Variants in SLC2A8 observed in about 807,000 individuals in gnomAD.
SLC2A8 encodes solute carrier family 2 member 8, also known as solute carrier family 2, facilitated glucose transporter member 8.
In SLC2A8, 53 loss-of-function variants were observed where a neutral mutation model predicts 49.2. The observed-to-expected ratio is 1.08, with a 90% CI of 0.86 to 1.35. The LOEUF is 1.35. Ranked by LOEUF, SLC2A8 falls within the 40% of genes most tolerant of loss-of-function variation. The pLI is 0.00. For synonymous variants in SLC2A8, 299 were observed against 297.0 expected (o/e 1.01, Z -0.07); for missense variants, 688 against 671.7 (o/e 1.02, Z -0.27).
chr9:127,404,595 T>C, intron 7 of SLC2A8: 1 of 540,628 alleles, frequency 1.8e-6, no homozygotes, highest in Admixed American at 3.3e-5. Flanking sequence ...ACCTCCCATT[T>C]CCTCGGCCCA....
chr9:127,403,078 C>T (rs1453639263), intron 5 of SLC2A8, among the ~76,000 whole-genome samples: 2 of 152,188 alleles, frequency 1.3e-5, no homozygotes, highest in Non-Finnish European at 2.9e-5. Flanking sequence ...AGTTGCAAGG[C>T]AGGGTAGAGG....
chr9:127,407,001 G>A (rs908031025), intron 9 of SLC2A8, 111 bp from the exon 10 acceptor site: 44 of 1,236,548 alleles, frequency 3.6e-5, no homozygotes, highest in Admixed American at 3.4e-4. Flanking sequence ...CTTGGGCAGG[G>A]CAGGCTGGGG....
rs749130065 is a variant in SLC2A8, at chr9:127,404,839, C to T, written c.998C>T (p.Thr333Met). The change falls in exon 8 of 10, where the codon ACG becomes ATG. Residue 333 changes from threonine to methionine, a missense_variant. Coordinates refer to ENST00000373371, the MANE Select transcript of SLC2A8 (RefSeq NM_014580.5). ...VLSGVVMVFS[T>M]SAFGAYFKLT... ...GCAGGTGTGGTCATGGTGTTCAGCA[C>T]GAGTGCCTTCGGCGCCTACTTCAAG... 2 of 1,612,330 alleles carry T rather than the reference C, an allele frequency of 1.2e-6. No individual in the cohort carries two copies. Among genetic ancestry groups the T allele is most frequent in the Non-Finnish European group, 1.7e-6 (2 of 1,179,580 alleles).
intron 7 of SLC2A8, 137 bp downstream of exon 7, chr9:127,404,204 G>A: frequency 1.6e-6 from 1 of 637,252 alleles, no homozygotes; most frequent in Non-Finnish European, 2.7e-6. Flanking sequence ...TTTGACAGCA[G>A]CTTGTCACCA....
At position 127,404,975 on chromosome 9, in the gene SLC2A8, G is replaced by A; in HGVS notation, c.1134G>A (p.Met378Ile). The change falls in exon 8 of 10, where the codon ATG (methionine) becomes ATA (isoleucine). Residue 378 changes from methionine (M) to isoleucine (I), a missense_variant. Physicochemically the swap from Met to Ile is conservative, Grantham distance 10. Coordinates refer to ENST00000373371, the MANE Select transcript of SLC2A8 (RefSeq NM_014580.5). ...VGLAWLAVGS[M>I]CLFIAGFAVG... ...TGGCCTGGCTGGCCGTGGGCAGCAT[G>A]TGCCTCTTCATCGCCGGTAAGGGGG... 1 of 1,604,182 alleles carries A rather than the reference G, an allele frequency of 6.2e-7. No individual in the cohort carries two copies. The highest frequency in any genetic ancestry group is 1.1e-5 in the South Asian group (1 of 90,916).
At chr9:127,397,875 G>T in intron 2 of SLC2A8, 30 bp from the exon 3 acceptor site, 1 of 1,446,652 alleles carries the variant, frequency 6.9e-7, no homozygotes, top group Non-Finnish European at 9.1e-7. Context: ...CGGCTTCGGC[G>T]CCCCCTCCTC....
intron 8 of SLC2A8, 34 bp from the exon 9 acceptor site, chr9:127,405,386 C>G: frequency 6.2e-7 from 1 of 1,607,994 alleles, no homozygotes; most frequent in Non-Finnish European, 8.5e-7. Context: ...CCCTGCGGAC[C>G]CTGATGCCTG....
At chr9:127,402,343 GT>G (rs2131893472) in intron 4 of SLC2A8, 1 of 623,280 alleles carries the variant, frequency 1.6e-6, no homozygotes, top group East Asian at 3.1e-5. Flanking sequence ...TGTCCGCGTT[GT>G]CATACCCACT....
chr9:127,406,547 A>AGAAG (rs1833498995), intron 9 of SLC2A8, among the ~76,000 whole-genome samples: 1 of 126,274 alleles, frequency 7.9e-6, no homozygotes, highest in African/African-American at 2.8e-5. Context: ...AAGGCCTTCG[A>AGAAG]GGAGGGAGAG....
intron 5 of SLC2A8, 94 bp downstream of exon 5, chr9:127,402,847 G>A: frequency 7.3e-7 from 1 of 1,377,816 alleles, no homozygotes; most frequent in South Asian, 1.5e-5. Flanking sequence ...TGGGGGGTGG[G>A]GGACAGGGAG....
intron 3 of SLC2A8, among the ~76,000 whole-genome samples, chr9:127,398,857 C>T (rs1034452294): frequency 1.3e-5 from 2 of 152,202 alleles, no homozygotes; most frequent in African/African-American, 4.8e-5. Context: ...CCATGAACTG[C>T]CCCCAGCCAT....
intron 9 of SLC2A8, 55 bp from the exon 10 acceptor site, chr9:127,407,057 G>C (rs549781683): frequency 1.9e-6 from 3 of 1,600,466 alleles, no homozygotes; most frequent in East Asian, 4.5e-5. Context: ...CAGTGATCGC[G>C]TGGGGCTTCC....
intron 4 of SLC2A8, among the ~76,000 whole-genome samples, chr9:127,401,954 T>C (rs1290531022): frequency 2.0e-5 from 3 of 152,214 alleles, no homozygotes. Context: ...CTTTTAACTT[T>C]ATATAAAACT....
At position 127,402,550 on chromosome 9, in the gene SLC2A8, C is replaced by A; in HGVS notation, c.527-7C>A. 1 of 1,523,286 alleles carries A rather than the reference C, an allele frequency of 6.6e-7. No individual in the cohort carries two copies. The highest frequency in any genetic ancestry group is 2.4e-5 in the East Asian group (1 of 41,418). The allele number at this position is 1,523,286 out of a possible 1,614,324, so 94.4% of individuals were successfully genotyped here. On this transcript the variant is annotated splice_region_variant and splice_polypyrimidine_tract_variant and intron_variant, in intron 4 of 9. Coordinates refer to ENST00000373371, the MANE Select transcript of SLC2A8 (RefSeq NM_014580.5). ...TGACGCCAGCCTCCTCCACCCACCC[C>A]CCGCAGGCTGGGTGCTGGAGTGGCG...
Position 127,397,181 on chromosome 9 carries a change from C to T in SLC2A8, c.-50C>T. The T allele has an allele frequency of 1.4e-6, 2 of 1,438,220 alleles. No homozygotes were observed. The highest frequency in any genetic ancestry group is 1.8e-6 in the Non-Finnish European group (2 of 1,103,862). The allele number at this position is 1,438,220 out of a possible 1,614,324, so 89.1% of individuals were successfully genotyped here. On this transcript the variant is annotated 5_prime_UTR_variant, in exon 1 of 10. Coordinates refer to ENST00000373371, the MANE Select transcript of SLC2A8 (RefSeq NM_014580.5). ...GCCGGTGCGGGCCGCACTCGCAGGG[C>T]CCGTGGCGGTTCAGGCGCCAGAGCT...
Position 127,403,641 on chromosome 9 carries a change from C to T in SLC2A8, c.724-19C>T, listed in dbSNP as rs1833376380. The T allele has an allele frequency of 6.2e-7, 1 of 1,612,246 alleles. No individual in the cohort carries two copies. The highest frequency in any genetic ancestry group is 1.1e-5 in the South Asian group (1 of 91,070). ...GGAGGGGAGAGAGAAATCCTGATGGCCAGTATCCGTCAGAGCAGAGCTTTC... is the reference window on the plus strand; with the variant it reads ...GGAGGGGAGAGAGAAATCCTGATGGTCAGTATCCGTCAGAGCAGAGCTTTC... On this transcript the variant is annotated intron_variant, in intron 5 of 9. Coordinates refer to ENST00000373371, the MANE Select transcript of SLC2A8 (RefSeq NM_014580.5).
chr9:127,398,228 AG>A, intron 3 of SLC2A8, 117 bp downstream of exon 3: 1 of 1,056,220 alleles, frequency 9.5e-7, no homozygotes, highest in Non-Finnish European at 1.5e-6. Flanking sequence ...TCTGGGTGCC[AG>A]GCTTGAAGTC....
Position 127,397,252 on chromosome 9 carries a change from GA to G in SLC2A8, c.25del (p.Thr9ProfsTer68). 1 of 1,434,574 alleles carries G rather than the reference GA, an allele frequency of 7.0e-7. No homozygotes were observed. Among genetic ancestry groups the G allele is most frequent in the Non-Finnish European group, 9.1e-7 (1 of 1,103,388 alleles). 88.9% of individuals were successfully genotyped at this position (1,434,574 alleles called of 1,614,324 possible). On this transcript the variant is annotated frameshift_variant, in exon 1 of 10. Coordinates refer to ENST00000373371, the MANE Select transcript of SLC2A8 (RefSeq NM_014580.5). LOFTEE classifies it high-confidence loss of function. ...CGACATGACGCCCGAGGACCCAGAG[GA>G]AACCCAGCCGCTTCTGGGGCCTCCT... MTPEDPE[E>X]TQPLLGPPGG...
rs1554746072 is a variant in SLC2A8 at position 127,407,123 on chromosome 9, G to A, written c.1308G>A (p.Arg436=). 4 of 1,613,434 alleles carry A rather than the reference G, an allele frequency of 2.5e-6. No individual in the cohort carries two copies. Among genetic ancestry groups the A allele is most frequent in the Non-Finnish European group, 3.4e-6 (4 of 1,179,986 alleles). ...TCCTCTCTCTGCAGGAGGTCCTCAG[G>A]CCCTATGGAGCCTTCTGGCTTGCCT... The part of the protein sequence containing the change: ...KEFSSLMEVL[R]PYGAFWLASA... Residue 436 remains arginine (R), a synonymous_variant, in exon 10 of 10, where the codon AGG becomes AGA. Transcript: ENST00000373371.
Sources: gnomAD v4.1 joint callset for allele counts (sites outside exome capture counted in the v4.1 genomes callset) on GRCh38, gnomAD v4.1.1 for gene constraint, MANE v1.5 for transcripts, NCBI Gene and HGNC (gene_info 2026-07-23, HGNC 2026-07-21) for gene names.